The following COG5 variants were observed in gnomAD, a reference collection of about 807,000 sequenced individuals.
The protein encoded by COG5 is component of oligomeric golgi complex 5, also known as conserved oligomeric Golgi complex subunit 5.
COG5 carries 86 observed loss-of-function variants against 110.4 expected under a neutral mutation model. The observed-to-expected ratio is 0.78, with a 90% CI of 0.65 to 0.93. The LOEUF is 0.93. Ranked by LOEUF, COG5 falls within the 40% of genes least tolerant of loss-of-function variation. The probability of loss-of-function intolerance (pLI) is 0.00; values close to 1 mark genes in which losing one functional copy is unlikely to be tolerated. For missense variants in COG5, 1,077 were observed against 987.0 expected, an observed-to-expected ratio of 1.09 and a Z score of -1.22; for synonymous variants, 360 against 334.6, an observed-to-expected ratio of 1.08 and a Z score of -0.83.
At chr7:107,382,517 T>C (rs1815211646) in intron 7 of COG5, among the ~76,000 whole-genome samples, 1 of 152,128 alleles carries the variant, frequency 6.6e-6, no homozygotes, top group Non-Finnish European at 1.5e-5. Context: ...CTCACTGCAA[T>C]CTCTGCCTCC....
At chr7:107,458,190 A>C (rs1241118000) in intron 6 of COG5, among the ~76,000 whole-genome samples, 1 of 152,238 alleles carries the variant, frequency 6.6e-6, no homozygotes, top group Non-Finnish European at 1.5e-5. Context: ...TGACAAGAAA[A>C]ACAGAAAGAA....
intron 6 of COG5, among the ~76,000 whole-genome samples, chr7:107,506,116 T>C (rs1202031832): frequency 2.6e-5 from 4 of 152,196 alleles, no homozygotes; most frequent in African/African-American, 9.7e-5. Flanking sequence ...GCCAGGGTAG[T>C]AGAGGCAATG....
At chr7:107,225,289 AT>A (rs1005546883) in intron 19 of COG5, among the ~76,000 whole-genome samples, 24 of 152,036 alleles carry the variant, frequency 1.6e-4, no homozygotes, top group African/African-American at 5.8e-4. Context: ...GTTTTAGTAC[AT>A]TTTTTTATTA....
intron 7 of COG5, among the ~76,000 whole-genome samples, chr7:107,410,125 T>C (rs1380388605): frequency 1.3e-5 from 2 of 151,976 alleles, no homozygotes; most frequent in Non-Finnish European, 1.5e-5. Context: ...TGTGCAGGAG[T>C]AGTAGAAAGG....
chr7:107,284,097 G>T (rs1316352357), intron 12 of COG5, among the ~76,000 whole-genome samples: 1 of 152,020 alleles, frequency 6.6e-6, no homozygotes, highest in African/African-American at 2.4e-5. Flanking sequence ...GCTAATTGTT[G>T]TATTTTTAGT....
chr7:107,557,291 T>C (rs1021100592), intron 2 of COG5, among the ~76,000 whole-genome samples: 3 of 152,210 alleles, frequency 2.0e-5, no homozygotes, highest in Admixed American at 1.3e-4. Context: ...CATTTAAATA[T>C]GTATTAAATA....
intron 6 of COG5, among the ~76,000 whole-genome samples, chr7:107,478,532 A>G (rs1563057837): frequency 6.6e-6 from 1 of 152,018 alleles, no homozygotes; most frequent in South Asian, 2.1e-4. Context: ...TTAAATTGTT[A>G]TATTTAAACT....
At chr7:107,250,136 T>TTA (rs1802381819) in intron 16 of COG5, among the ~76,000 whole-genome samples, 1 of 152,076 alleles carries the variant, frequency 6.6e-6, no homozygotes, top group Non-Finnish European at 1.5e-5. Flanking sequence ...ACTGGACAAA[T>TTA]TAGACTACAA....
chr7:107,240,498 G>A (rs769450683), intron 17 of COG5, among the ~76,000 whole-genome samples: 4 of 152,218 alleles, frequency 2.6e-5, no homozygotes, highest in Non-Finnish European at 4.4e-5. Context: ...TTACAGGCGT[G>A]AGCCACCATG....
At chr7:107,292,045 T>TTCCTTCTTTTAGAAAGGGTGTTGC (rs1806221552) in intron 12 of COG5, among the ~76,000 whole-genome samples, 6 of 152,258 alleles carry the variant, frequency 3.9e-5, no homozygotes, top group Admixed American at 3.3e-4. Flanking sequence ...CTTTTTCTAT[T>TTCCTTCTTTTAGAAAGGGTGTTGC]TCCTTCTTTT....
At chr7:107,410,528 C>T (rs1270710659) in intron 7 of COG5, among the ~76,000 whole-genome samples, 2 of 152,050 alleles carry the variant, frequency 1.3e-5, no homozygotes, top group Non-Finnish European at 2.9e-5. Context: ...CCGCAACCTC[C>T]GGCTCCTGGG....
At chr7:107,393,943 C>T (rs1790803666) in intron 7 of COG5, among the ~76,000 whole-genome samples, 1 of 151,524 alleles carries the variant, frequency 6.6e-6, no homozygotes, top group African/African-American at 2.4e-5. Context: ...GACCATGTAA[C>T]AGGGTAGAAA....
rs1473334295 is a variant in COG5 at position 107,347,028 on chromosome 7, A to G, written c.1026+15005T>C. Among the ~76,000 whole-genome samples the G allele has an allele frequency of 3.3e-5, 5 of 152,342 alleles. No individual in the cohort carries two copies. In the East Asian group the frequency reaches 9.6e-4, roughly 29 times the overall value. On this transcript the variant is annotated intron_variant, in intron 10 of 21. Transcript: ENST00000297135. Reference sequence around the variant, plus strand: ...AAAAATGATTGGTATATCATAATGTACTAGAATATTCTAGAAATTTTCACA... The same window carrying G: ...AAAAATGATTGGTATATCATAATGTGCTAGAATATTCTAGAAATTTTCACA...
intron 7 of COG5, among the ~76,000 whole-genome samples, chr7:107,398,949 C>A (rs1396162723): frequency 6.6e-6 from 1 of 152,108 alleles, no homozygotes; most frequent in Non-Finnish European, 1.5e-5. Context: ...CACCTGTAAT[C>A]CCAGCACTTT....
chr7:107,461,804 T>G (rs1189971617), intron 6 of COG5, among the ~76,000 whole-genome samples: 2 of 152,218 alleles, frequency 1.3e-5, no homozygotes, highest in African/African-American at 2.4e-5. Flanking sequence ...AAAAATGTTA[T>G]GAGTCTAGCA....
chr7:107,548,099 G>A lies in COG5; in HGVS notation c.417+12C>T, dbSNP rs757628356. On this transcript the variant is annotated intron_variant, in intron 5 of 21. Coordinates refer to ENST00000297135, the MANE Select transcript of COG5 (RefSeq NM_006348.5). ...AATAATAAAGTATAAAGAAATAAAA[G>A]TAAGAAACTACCTGAAGTCTTGCTA... 6.2e-7 allele frequency: 1 copy of A among 1,605,890 alleles called. No individual in the cohort carries two copies. The highest frequency in any genetic ancestry group is 8.5e-7 in the Non-Finnish European group (1 of 1,173,038).
chr7:107,252,035 T>G (rs1802552865), intron 16 of COG5, among the ~76,000 whole-genome samples: 1 of 152,038 alleles, frequency 6.6e-6, no homozygotes, highest in Non-Finnish European at 1.5e-5. Flanking sequence ...AAGAGGTTAT[T>G]CTTATAGGTC....
At chr7:107,520,713 T>C (rs183515641) in intron 6 of COG5, among the ~76,000 whole-genome samples, 13 of 152,256 alleles carry the variant, frequency 8.5e-5, no homozygotes, top group African/African-American at 2.6e-4. Flanking sequence ...AAAATGGCCA[T>C]ACTATCCAAA....
At chr7:107,525,348 A>G (rs1800653926) in intron 6 of COG5, among the ~76,000 whole-genome samples, 1 of 152,160 alleles carries the variant, frequency 6.6e-6, no homozygotes, top group African/African-American at 2.4e-5. Flanking sequence ...ATTGAAGGAA[A>G]GTCAGTGATG....
Sources: gnomAD v4.1 joint callset for allele counts (sites outside exome capture counted in the v4.1 genomes callset) on GRCh38, gnomAD v4.1.1 for gene constraint, MANE v1.5 for transcripts, NCBI Gene and HGNC (gene_info 2026-07-23, HGNC 2026-07-21) for gene names.